UGT1A10: variants seen among roughly 807,000 people sequenced by gnomAD.
The protein encoded by UGT1A10 is UDP glucuronosyltransferase family 1 member A10.
Under a neutral mutation model 45.8 loss-of-function variants are expected in UGT1A10, and 49 were observed. The observed-to-expected ratio is 1.07, with a 90% CI of 0.85 to 1.36. The LOEUF (loss-of-function observed/expected upper bound fraction) is 1.36, where lower values mean the gene tolerates loss of function less well. Ranked by LOEUF, UGT1A10 falls within the 40% of genes most tolerant of loss-of-function variation. The pLI is 0.00. For synonymous variants in UGT1A10, 284 were observed against 249.7 expected (o/e 1.14, Z -1.29); for missense variants, 745 against 668.6 (o/e 1.11, Z -1.26).
At chr2:233,660,724 A>T (rs1319168575) in intron 1 of UGT1A10, among the ~76,000 whole-genome samples, 1 of 152,132 alleles carries the variant, frequency 6.6e-6, no homozygotes, top group African/African-American at 2.4e-5. Context: ...TTCCTTACTT[A>T]TAAATGTCTT....
chr2:233,704,120 A>G (rs1015363389), intron 1 of UGT1A10, among the ~76,000 whole-genome samples: 1 of 151,672 alleles, frequency 6.6e-6, no homozygotes, highest in African/African-American at 2.4e-5. Flanking sequence ...CAAACTCCTT[A>G]CCTCAAGTGA....
intron 1 of UGT1A10, chr2:233,743,982 C>G (rs6735370): frequency 4.6e-6 from 6 of 1,297,000 alleles, no homozygotes; most frequent in East Asian, 9.6e-5. Flanking sequence ...AGCACCCAGG[C>G]GCAGGCCCGA....
At chr2:233,681,925 C>G in intron 1 of UGT1A10, 1 of 1,608,936 alleles carries the variant, frequency 6.2e-7, no homozygotes. Flanking sequence ...TGGCTCTGGG[C>G]TGAAGTTCTC....
rs1278152448 is a variant in UGT1A10 at position 233,683,881 on chromosome 2, G to T, written c.855+46504G>T. 5.3e-5 allele frequency among the ~76,000 whole-genome samples: 8 copies of T among 151,824 alleles called. No individual in the cohort carries two copies. In the East Asian group the frequency reaches 1.5e-3, roughly 29 times the overall value. On this transcript the variant is annotated intron_variant, in intron 1 of 4. Coordinates refer to ENST00000344644, the MANE Select transcript of UGT1A10 (RefSeq NM_019075.4). ...TCATCTGCAAATTATTCCCTCCCCTGGTATTTATACCTCTTATTTTGGCGG... is the reference window on the plus strand; with the variant it reads ...TCATCTGCAAATTATTCCCTCCCCTTGTATTTATACCTCTTATTTTGGCGG...
intron 1 of UGT1A10, among the ~76,000 whole-genome samples, chr2:233,687,757 T>C (rs1463334802): frequency 6.6e-6 from 1 of 151,926 alleles, no homozygotes; most frequent in Non-Finnish European, 1.5e-5. Flanking sequence ...GTTTTAAAAA[T>C]TAGCTGGGCC....
At chr2:233,682,519 C>G (rs1333962269) in intron 1 of UGT1A10, 1 of 1,613,928 alleles carries the variant, frequency 6.2e-7, no homozygotes. Context: ...CCAGACTTCT[C>G]TTAGGGTTCT....
intron 1 of UGT1A10, chr2:233,741,895 C>G (rs1371352009): frequency 6.6e-6 from 1 of 151,808 alleles, no homozygotes; most frequent in Non-Finnish European, 1.5e-5. Flanking sequence ...GAAGAAGGGA[C>G]CCTTTGTGAT....
At chr2:233,693,088 G>A in intron 1 of UGT1A10, 9 of 1,614,204 alleles carry the variant, frequency 5.6e-6, no homozygotes, top group Non-Finnish European at 7.6e-6. Context: ...TAGGTGACAA[G>A]CTGCTGGTGG....
At chr2:233,742,015 A>G (rs1575645503) in intron 1 of UGT1A10, 3 of 151,866 alleles carry the variant, frequency 2.0e-5, no homozygotes, top group African/African-American at 4.9e-5. Context: ...GCTTTCATCA[A>G]CCTAATTTGA....
intron 1 of UGT1A10, chr2:233,760,289 T>A: frequency 2.5e-6 from 4 of 1,613,270 alleles, no homozygotes; most frequent in Non-Finnish European, 3.4e-6. Flanking sequence ...AAAGGCGCCA[T>A]GGCTGTGGAG....
intron 1 of UGT1A10, among the ~76,000 whole-genome samples, chr2:233,651,095 C>T (rs17863769): frequency 8.9e-4 from 136 of 152,272 alleles, no homozygotes; most frequent in Non-Finnish European, 1.5e-3. Flanking sequence ...TGAGGCATGG[C>T]TTTCAGCTCT....
intron 1 of UGT1A10, among the ~76,000 whole-genome samples, chr2:233,644,546 G>A (rs2073549255): frequency 6.6e-6 from 1 of 152,084 alleles, no homozygotes; most frequent in Non-Finnish European, 1.5e-5. Flanking sequence ...AGATGACAGA[G>A]TGAGACTCCA....
intron 1 of UGT1A10, among the ~76,000 whole-genome samples, chr2:233,655,803 C>T (rs938967333): frequency 7.9e-5 from 12 of 152,190 alleles, no homozygotes; most frequent in Non-Finnish European, 1.0e-4. Context: ...CTTTGAGCCC[C>T]AGCCATTCTC....
intron 1 of UGT1A10, chr2:233,730,112 T>C (rs933459456): frequency 6.4e-7 from 1 of 1,565,128 alleles, no homozygotes; most frequent in Admixed American, 1.8e-5. Context: ...TTTCTGCTTC[T>C]CCTTGTCATA....
intron 1 of UGT1A10, among the ~76,000 whole-genome samples, chr2:233,744,785 A>C (rs1433110343): frequency 6.6e-6 from 1 of 151,864 alleles, no homozygotes; most frequent in Non-Finnish European, 1.5e-5. Context: ...TCTCCTGAAA[A>C]ATTCTTGGGG....
rs12623271 is a variant in UGT1A10, at chr2:233,691,295, C to A, written c.855+53918C>A. The stretch of plus-strand genomic sequence containing the variant: ...CCATGACTTTGATCATTGTAAGCTG[C>A]CAATCCTCTTGGGAGGCTGCTCCCA... On this transcript the variant is annotated intron_variant, in intron 1 of 4. Coordinates refer to ENST00000344644, the MANE Select transcript of UGT1A10 (RefSeq NM_019075.4). The A allele has an allele frequency of 3.0e-6, 3 of 985,172 alleles. No individual in the cohort carries two copies. The Admixed American group carries it at 1.8e-4, about 61-fold the overall frequency. 61.0% of individuals were successfully genotyped at this position (985,172 alleles called of 1,614,324 possible).
At chr2:233,737,384 T>C (rs375300244) in intron 1 of UGT1A10, among the ~76,000 whole-genome samples, 6 of 152,362 alleles carry the variant, frequency 3.9e-5, no homozygotes, top group African/African-American at 1.4e-4. Context: ...GAGAATCTCC[T>C]TGTCTGCCAG....
In UGT1A10 at chr2:233,739,366, G is replaced by T. The variant is rs191477827; in HGVS notation, c.856-27668G>T. 3.4e-3 allele frequency among the ~76,000 whole-genome samples: 523 copies of T among 152,270 alleles called. 13 individuals carry two copies. Among genetic ancestry groups the T allele is most frequent in the East Asian group, 3.5e-3 (18 of 5,178 alleles). On this transcript the variant is annotated intron_variant, in intron 1 of 4. Transcript: ENST00000344644. Reference sequence around the variant, plus strand: ...CCCAGAAGGGCAGATCCAATAGCTTGCACTGTGTGCCTGGAAGAGCCACAG... The same window carrying T: ...CCCAGAAGGGCAGATCCAATAGCTTTCACTGTGTGCCTGGAAGAGCCACAG...
intron 1 of UGT1A10, among the ~76,000 whole-genome samples, chr2:233,708,991 A>G (rs551538751): frequency 6.6e-6 from 1 of 152,226 alleles, no homozygotes; most frequent in East Asian, 1.9e-4. Flanking sequence ...CGGCCGTGGC[A>G]TCCTTCTCAG....
Sources: gnomAD v4.1 joint callset for allele counts (sites outside exome capture counted in the v4.1 genomes callset) on GRCh38, gnomAD v4.1.1 for gene constraint, MANE v1.5 for transcripts, NCBI Gene and HGNC (gene_info 2026-07-23, HGNC 2026-07-21) for gene names.